TMEM74: variants seen among roughly 807,000 people sequenced by gnomAD.
TMEM74 encodes transmembrane protein 74.
A neutral mutation model predicts 18.1 loss-of-function variants in TMEM74; 13 were observed. The observed-to-expected ratio is 0.72, with a 90% CI of 0.47 to 1.14. The LOEUF is 1.14. TMEM74 is among the 50% of genes most tolerant of loss of function. The probability of loss-of-function intolerance (pLI) is 0.00; values close to 1 mark genes in which losing one functional copy is unlikely to be tolerated. For missense variants in TMEM74, 372 were observed against 375.9 expected (o/e 0.99, Z 0.09); for synonymous variants, 159 against 146.6 (o/e 1.08, Z -0.61).
chr8:108,743,128 C>T (rs1813818033), intron 1 of TMEM74, among the ~76,000 whole-genome samples: 1 of 152,126 alleles, frequency 6.6e-6, no homozygotes. Flanking sequence ...TGATCTATGT[C>T]TCTTGTTACA....
At chr8:108,740,832 C>A (rs1245139289) in intron 1 of TMEM74, among the ~76,000 whole-genome samples, 1 of 152,136 alleles carries the variant, frequency 6.6e-6, no homozygotes, top group Non-Finnish European at 1.5e-5. Context: ...CCAATAAGTT[C>A]TTGTCTATGA....
At chr8:108,724,207 C>G (rs1813611943) in intron 1 of TMEM74, among the ~76,000 whole-genome samples, 1 of 152,198 alleles carries the variant, frequency 6.6e-6, no homozygotes, top group South Asian at 2.1e-4. Context: ...CTTCCCCCTC[C>G]TCCTGCACTT....
chr8:108,661,093 A>G (rs761455865), intron 1 of TMEM74, among the ~76,000 whole-genome samples: 7 of 152,064 alleles, frequency 4.6e-5, no homozygotes, highest in Non-Finnish European at 1.0e-4. Context: ...CCACCTAACC[A>G]TCTCCTCTGT....
At position 108,627,921 on chromosome 8, in the gene TMEM74, G is replaced by A. The variant is rs79919124; in HGVS notation, n.265-19095C>T. Among the ~76,000 whole-genome samples the A allele has an allele frequency of 2.7e-3, 416 of 152,080 alleles. 3 individuals carry two copies. The highest frequency in any genetic ancestry group is 9.5e-3 in the African/African-American group (395 of 41,528). ...TACAAAAACATTAGCTGGGTATGGT[G>A]GTGCATGCCTGTAATCCCAGCTACT... On this transcript the variant is annotated intron_variant and non_coding_transcript_variant, in intron 2 of 3. Transcript: ENST00000518838.
Position 108,784,894 on chromosome 8 carries a change from A to G in TMEM74, c.205T>C (p.Ser69Pro). Residue 69 changes from serine (S) to proline (P), a missense_variant, in exon 2 of 2, where the codon TCC becomes CCC. Coordinates refer to ENST00000297459, the MANE Select transcript of TMEM74 (RefSeq NM_153015.3). ...TGAAGAGTACTGTTTTGCAGAGAGG[A>G]GGAGGGGGATGCTGGAGAAGAACTA... ...KLSSSPASPSSSLQNSTLQPD... is the reference protein window; with the variant it reads ...KLSSSPASPSPSLQNSTLQPD... 1 of 1,614,036 alleles carries G rather than the reference A, an allele frequency of 6.2e-7. No homozygotes were observed. Among genetic ancestry groups the G allele is most frequent in the East Asian group, 2.2e-5 (1 of 44,878 alleles).
intron 1 of TMEM74, among the ~76,000 whole-genome samples, chr8:108,697,334 T>C (rs761507716): frequency 1.3e-5 from 2 of 152,204 alleles, no homozygotes; most frequent in Non-Finnish European, 2.9e-5. Context: ...AATTTTAACT[T>C]ATGCTAGTTA....
chr8:108,752,991 A>ACACACAGCCATACTTTTGTCAC (rs1813918661), intron 1 of TMEM74, among the ~76,000 whole-genome samples: 2 of 152,170 alleles, frequency 1.3e-5, no homozygotes, highest in East Asian at 3.9e-4. Flanking sequence ...CCTTTTGGGA[A>ACACACAGCCATACTTTTGTCAC]CACACAGCCA....
At chr8:108,657,857 A>T (rs1196578501) in intron 1 of TMEM74, among the ~76,000 whole-genome samples, 1,016 of 61,632 alleles carry the variant, frequency 0.016, 14 homozygotes, top group East Asian at 0.032. Flanking sequence ...AAAAAAAAAA[A>T]AAATATATAT....
At chr8:108,651,194 A>G (rs997231853) in intron 2 of TMEM74, among the ~76,000 whole-genome samples, 12 of 152,180 alleles carry the variant, frequency 7.9e-5, no homozygotes, top group Admixed American at 2.6e-4. Flanking sequence ...AAAAAGTACC[A>G]CTATACTTTG....
intron 1 of TMEM74, among the ~76,000 whole-genome samples, chr8:108,768,359 C>G (rs3019893): frequency 0.26 from 38,949 of 152,014 alleles, 5,483 homozygotes; most frequent in Middle Eastern, 0.33. Context: ...TTATTTATCT[C>G]TGGACCCTTC....
intron 1 of TMEM74, among the ~76,000 whole-genome samples, chr8:108,728,495 C>A (rs1489461492): frequency 6.6e-6 from 1 of 152,104 alleles, no homozygotes; most frequent in Non-Finnish European, 1.5e-5. Context: ...ATCATAGAAC[C>A]TTTTCCCCTC....
intron 1 of TMEM74, among the ~76,000 whole-genome samples, chr8:108,738,493 T>C (rs908438488): frequency 3.3e-5 from 5 of 152,204 alleles, no homozygotes; most frequent in African/African-American, 1.2e-4. Context: ...ATAACTGAAC[T>C]ATCCCACAGA....
chr8:108,738,140 G>T (rs939210533), intron 1 of TMEM74, among the ~76,000 whole-genome samples: 2 of 152,006 alleles, frequency 1.3e-5, no homozygotes, highest in Admixed American at 1.3e-4. Flanking sequence ...CAATATGTGT[G>T]CTCTTTCTTG....
At chr8:108,744,367 G>A (rs962961366) in intron 1 of TMEM74, among the ~76,000 whole-genome samples, 2 of 152,130 alleles carry the variant, frequency 1.3e-5, no homozygotes, top group African/African-American at 4.8e-5. Context: ...GGTTTATTAA[G>A]CTAGCTTAAG....
chr8:108,713,338 GA>G (rs1813491574), intron 1 of TMEM74, among the ~76,000 whole-genome samples: 1 of 151,220 alleles, frequency 6.6e-6, no homozygotes, highest in South Asian at 2.1e-4. Flanking sequence ...GACTGGTTAA[GA>G]AAAAATTCTA....
At chr8:108,623,301 T>A (rs550809274) in intron 2 of TMEM74, among the ~76,000 whole-genome samples, 1 of 152,102 alleles carries the variant, frequency 6.6e-6, no homozygotes, top group Non-Finnish European at 1.5e-5. Flanking sequence ...AGTGTTGTCT[T>A]TGGCTCCAGA....
Position 108,779,297 on chromosome 8 carries a change from A to C in TMEM74, c.*4884T>G, listed in dbSNP as rs187494800. On this transcript the variant is annotated 3_prime_UTR_variant, in exon 2 of 2. Coordinates refer to ENST00000297459, the MANE Select transcript of TMEM74 (RefSeq NM_153015.3). ...CACAGGGTACAAACTCTCAATACAC[A>C]ATATGTAATAATTAATCTTTCTTTC... Among the ~76,000 whole-genome samples, 1 of 152,298 alleles carries C rather than the reference A, an allele frequency of 6.6e-6. No homozygotes were observed. Among genetic ancestry groups the C allele is most frequent in the East Asian group, 1.9e-4 (1 of 5,182 alleles).
intron 2 of TMEM74, among the ~76,000 whole-genome samples, chr8:108,650,242 A>G (rs906104758): frequency 3.3e-5 from 5 of 152,106 alleles, no homozygotes; most frequent in Non-Finnish European, 5.9e-5. Context: ...CACACTTTGG[A>G]GTTATCCATG....
intron 2 of TMEM74, among the ~76,000 whole-genome samples, chr8:108,650,925 G>A (rs566721471): frequency 7.2e-5 from 11 of 152,106 alleles, no homozygotes; most frequent in African/African-American, 2.7e-4. Context: ...TAGCCAGGCT[G>A]GTCTCAAACT....
Sources: allele counts gnomAD v4.1 joint callset (sites outside exome capture counted in the v4.1 genomes callset), GRCh38; gene constraint gnomAD v4.1.1; transcripts MANE v1.5; gene names NCBI Gene and HGNC (gene_info 2026-07-23, HGNC 2026-07-21).